The following GPC3 variants were observed in gnomAD, a reference collection of about 807,000 sequenced individuals.
GPC3 encodes glypican-3.
Under a neutral mutation model 34.4 loss-of-function variants are expected in GPC3, and 3 were observed. The ratio of observed to expected loss-of-function variants is 0.09; its 90% confidence interval spans 0.04 to 0.23. The LOEUF is 0.23. Ranked by LOEUF, GPC3 falls within the 10% of genes least tolerant of loss-of-function variation. The pLI is 1.00. For missense variants in GPC3, 351 were observed against 445.6 expected (o/e 0.79, Z 1.91); for synonymous variants, 177 against 174.0 (o/e 1.02, Z -0.13).
chrX:133,763,515 T>C, intron 2 of GPC3: 1 of 550,967 alleles, frequency 1.8e-6, no homozygotes, highest in Non-Finnish European at 3.3e-6. Flanking sequence ...AGTTCACTGC[T>C]ACTCAGCCTG....
chrX:133,695,099 G>C (rs1260628024), intron 4 of GPC3, among the ~76,000 whole-genome samples: 7 of 111,862 alleles, frequency 6.3e-5, no homozygotes, highest in Non-Finnish European at 1.1e-4. Context: ...AATTATGGCA[G>C]AAGTGGAAGC....
intron 2 of GPC3, among the ~76,000 whole-genome samples, chrX:133,924,752 T>C (rs996672418): frequency 1.8e-5 from 2 of 111,768 alleles, no homozygotes; most frequent in African/African-American, 6.5e-5. Context: ...CAAAAACATG[T>C]TAGCCCATTA....
chrX:133,616,248 A>G (rs931420476), intron 6 of GPC3, among the ~76,000 whole-genome samples: 3 of 112,274 alleles, frequency 2.7e-5, no homozygotes, highest in African/African-American at 6.5e-5. Flanking sequence ...AACACTCTAA[A>G]AATGAAATTA....
In GPC3 at chrX:133,778,344, C is replaced by T. The variant is rs1016610463; in HGVS notation, c.338-24168G>A. Among the ~76,000 whole-genome samples the T allele has an allele frequency of 5.4e-5, 6 of 111,906 alleles. 1 individual carries two copies. Among genetic ancestry groups the T allele is most frequent in the African/African-American group, 1.6e-4 (5 of 30,822 alleles). ...AAAAGAAGCAATAAAAGAGAAAGAACCTGGCCCCTCAGACAGCCCCCTTCT... is the reference window on the plus strand; with the variant it reads ...AAAAGAAGCAATAAAAGAGAAAGAATCTGGCCCCTCAGACAGCCCCCTTCT... On this transcript the variant is annotated intron_variant, in intron 2 of 7. Coordinates refer to ENST00000370818, the MANE Select transcript of GPC3 (RefSeq NM_004484.4).
intron 3 of GPC3, among the ~76,000 whole-genome samples, chrX:133,724,863 A>T (rs1381254557): frequency 8.9e-6 from 1 of 112,280 alleles, no homozygotes; most frequent in East Asian, 2.8e-4. Context: ...TACTTGGACA[A>T]GAGCTTTGCT....
At chrX:133,596,383 T>C in intron 7 of GPC3, 57 bp downstream of exon 7, 1 of 1,066,036 alleles carries the variant, frequency 9.4e-7, no homozygotes. Flanking sequence ...CAATTTATTT[T>C]TAATTCCTGA....
chrX:133,817,820 G>T (rs1416138671), intron 2 of GPC3, among the ~76,000 whole-genome samples: 1 of 108,333 alleles, frequency 9.2e-6, no homozygotes, highest in Non-Finnish European at 1.9e-5. Context: ...ATGCAAGTTA[G>T]CTGGCTTTTC....
At chrX:133,759,436 C>T (rs933667419) in intron 2 of GPC3, among the ~76,000 whole-genome samples, 20 of 111,776 alleles carry the variant, frequency 1.8e-4, no homozygotes, top group African/African-American at 6.2e-4. Flanking sequence ...GAACAAAATA[C>T]AGAGCCCAGA....
intron 2 of GPC3, among the ~76,000 whole-genome samples, chrX:133,796,019 C>G (rs1175334444): frequency 1.0e-5 from 1 of 100,496 alleles, no homozygotes; most frequent in Non-Finnish European, 2.0e-5. Context: ...AATCTTGGCT[C>G]ACTGCAAGCT....
chrX:133,544,129 G>A, intron 7 of GPC3, among the ~76,000 whole-genome samples: 1 of 111,557 alleles, frequency 9.0e-6, no homozygotes, highest in East Asian at 2.8e-4. Context: ...TACTTGGGAG[G>A]CTGACGTGGG....
intron 1 of GPC3, among the ~76,000 whole-genome samples, chrX:133,955,634 G>A (rs974647208): frequency 1.8e-5 from 2 of 111,148 alleles, no homozygotes; most frequent in South Asian, 3.8e-4. Context: ...GAAGTTCACC[G>A]TCTAAAGGGA....
intron 7 of GPC3, among the ~76,000 whole-genome samples, chrX:133,556,305 C>G (rs1450240547): frequency 2.7e-5 from 3 of 110,792 alleles, no homozygotes; most frequent in Admixed American, 9.6e-5. Context: ...TTCACCTCCC[C>G]CTCCTAGCAC....
rs2069442824 is a variant in GPC3, at chrX:133,552,402, ACTCACTTAGGGAGGAGGG to A, written c.1574-16127_1574-16110del. Among the ~76,000 whole-genome samples, 4 of 111,761 alleles carry A rather than the reference ACTCACTTAGGGAGGAGGG, an allele frequency of 3.6e-5. No homozygotes were observed. In the Admixed American group the frequency reaches 3.8e-4, roughly 11 times the overall value. On this transcript the variant is annotated intron_variant, in intron 7 of 7. Coordinates refer to ENST00000370818, the MANE Select transcript of GPC3 (RefSeq NM_004484.4). ...GGACCAGCGTCTTTTGGAGACCATG[ACTCACTTAGGGAGGAGGG>A]CTTTAAATCAGTCAAGGAGTTATTG...
At chrX:133,985,245 G>C in intron 1 of GPC3, 30 bp downstream of exon 1, 2 of 1,205,137 alleles carry the variant, frequency 1.7e-6, no homozygotes, top group Non-Finnish European at 2.2e-6. Flanking sequence ...CCCGCTGGGC[G>C]CTAGGCACGC....
intron 2 of GPC3, among the ~76,000 whole-genome samples, chrX:133,819,512 C>T (rs1274499987): frequency 2.7e-5 from 3 of 110,742 alleles, no homozygotes; most frequent in Non-Finnish European, 5.7e-5. Flanking sequence ...GTGAAGGAAA[C>T]TTGAATATCT....
At chrX:133,661,578 C>T (rs978290551) in intron 6 of GPC3, 152 bp downstream of exon 6, 357 of 9,596 alleles carry the variant, frequency 0.037, 1 homozygote, top group Non-Finnish European at 0.055. Context: ...TTCTCTCTCT[C>T]TCTCTCTCTC....
At chrX:133,578,171 T>C (rs1422609766) in intron 7 of GPC3, among the ~76,000 whole-genome samples, 1 of 112,336 alleles carries the variant, frequency 8.9e-6, no homozygotes, top group Non-Finnish European at 1.9e-5. Flanking sequence ...TGAATGGCAC[T>C]GGCATCTGCC....
intron 7 of GPC3, among the ~76,000 whole-genome samples, chrX:133,555,973 G>A (rs1412957442): frequency 9.0e-6 from 1 of 111,279 alleles, no homozygotes; most frequent in Non-Finnish European, 1.9e-5. Context: ...AAACCTGCCA[G>A]CCACCCCCAG....
At chrX:133,621,566 T>C (rs147403566) in intron 6 of GPC3, among the ~76,000 whole-genome samples, 1,468 of 111,811 alleles carry the variant, frequency 0.013, 30 homozygotes, top group African/African-American at 0.044. Flanking sequence ...AGCACAGCAG[T>C]CTGAGATCGA....
Sources: gnomAD v4.1 joint callset for allele counts (sites outside exome capture counted in the v4.1 genomes callset) on GRCh38, gnomAD v4.1.1 for gene constraint, MANE v1.5 for transcripts, NCBI Gene and HGNC (gene_info 2026-07-23, HGNC 2026-07-21) for gene names.